The following NLRC3 variants were observed in gnomAD, a reference collection of about 807,000 sequenced individuals.
The protein encoded by NLRC3 is NLR family CARD domain containing 3.
NLRC3 carries 87 observed loss-of-function variants against 91.6 expected under a neutral mutation model. The ratio of observed to expected loss-of-function variants is 0.95; its 90% confidence interval spans 0.80 to 1.14. The LOEUF is 1.14. Ranked by LOEUF, NLRC3 falls within the 50% of genes most tolerant of loss-of-function variation. The pLI, the probability that NLRC3 is intolerant of heterozygous loss-of-function variation, is 0.00. For synonymous variants in NLRC3, 694 were observed against 625.3 expected, an observed-to-expected ratio of 1.11 and a Z score of -1.64; for missense variants, 1,577 against 1,418.6, an observed-to-expected ratio of 1.11 and a Z score of -1.79.
rs57205573 is a variant in NLRC3 at position 3,569,393 on chromosome 16, T to TA, written c.-168-2070dup. 6.6e-4 allele frequency among the ~76,000 whole-genome samples: 20 copies of TA among 30,118 alleles called. 1 individual carries two copies. In the East Asian group the frequency reaches 0.014, roughly 21 times the overall value. 19.8% of individuals were successfully genotyped at this position (30,118 alleles called of 152,430 possible). A position where few individuals can be genotyped will look rare whatever the true frequency, so the allele number is the denominator to read the frequency against. ...AACCATATATATATATATATATATA[T>TA]ATTATTTTTTTTTTTTTTTTTTTTT... On this transcript the variant is annotated intron_variant, in intron 1 of 19. Transcript: ENST00000359128.
intron 1 of NLRC3, among the ~76,000 whole-genome samples, chr16:3,575,134 G>A (rs552638293): frequency 6.6e-6 from 1 of 152,240 alleles, no homozygotes; most frequent in South Asian, 2.1e-4. Flanking sequence ...CCCTGCTCAG[G>A]CCCCATTCAG....
Position 3,539,590 on chromosome 16 carries a change from T to C in NLRC3, c.*2235A>G, listed in dbSNP as rs1315268535. ...GTTTGGCTACTGCAACTCTGTGTTC[T>C]GCCAGTCTCTTAACTCAGACAGAAA... is the stretch of plus-strand genomic sequence containing the variant. On this transcript the variant is annotated 3_prime_UTR_variant, in exon 20 of 20. Transcript: ENST00000359128. 6.6e-6 allele frequency: 1 copy of C among 152,270 alleles called. No individual in the cohort carries two copies. Among genetic ancestry groups the C allele is most frequent in the Non-Finnish European group, 1.5e-5 (1 of 68,056 alleles). 9.4% of individuals were successfully genotyped at this position (152,270 alleles called of 1,614,324 possible). A position where few individuals can be genotyped will look rare whatever the true frequency, so the allele number is the denominator to read the frequency against.
At chr16:3,569,313 C>CA (rs772111559) in intron 1 of NLRC3, among the ~76,000 whole-genome samples, 1,200 of 64,856 alleles carry the variant, frequency 0.019, 15 homozygotes, top group African/African-American at 0.043. Flanking sequence ...GACACCATCT[C>CA]AAAAAAAAAA....
At chr16:3,562,935 G>A (rs1453095673) in intron 5 of NLRC3, 74 bp downstream of exon 5, 12 of 1,319,530 alleles carry the variant, frequency 9.1e-6, no homozygotes, top group Non-Finnish European at 1.2e-5. Context: ...GAGAAGCTTG[G>A]TGGTGGGGAG....
At position 3,564,984 on chromosome 16, in the gene NLRC3, G is replaced by T. The variant is rs762020487; in HGVS notation, c.53C>A (p.Thr18Lys). 29 of 1,610,332 alleles carry T rather than the reference G, an allele frequency of 1.8e-5. No homozygotes were observed. The highest frequency in any genetic ancestry group is 2.3e-5 in the Non-Finnish European group (27 of 1,179,728). The change falls in exon 4 of 20, where the codon ACG becomes AAG. Residue 18 changes from threonine to lysine, a missense_variant. Coordinates refer to ENST00000359128, the MANE Select transcript of NLRC3 (RefSeq NM_178844.4). This position sits in a 1 kb window ranked among gnomAD's most constrained non-coding sequence, Gnocchi z 5.9. ...TGREAGQGHG[T>K]GSPAEQVKAL... ...TTTCACCTGCTCGGCTGGGGAGCCC[G>T]TACCGTGGCCCTGGCCGGCCTCCCT...
rs373484905 is a variant in NLRC3 at position 3,543,532 on chromosome 16, G to A, written c.2856-24C>T. The A allele has an allele frequency of 7.0e-5, 110 of 1,578,484 alleles. No individual in the cohort carries two copies. The African/African-American group carries it at 1.4e-3, about 20-fold the overall frequency. ...GACTGGGGCGGAGAGGGTGCCGTCA[G>A]TGTGAGCCGGCTGGGCCCACCTCCC... On this transcript the variant is annotated intron_variant, in intron 16 of 19. Coordinates refer to ENST00000359128, the MANE Select transcript of NLRC3 (RefSeq NM_178844.4).
Position 3,563,145 on chromosome 16 carries a change from G to A in NLRC3, c.1792C>T (p.Pro598Ser). 8.8e-6 allele frequency: 14 copies of A among 1,588,760 alleles called. No individual in the cohort carries two copies. The highest frequency in any genetic ancestry group is 1.2e-5 in the Non-Finnish European group (14 of 1,169,368). Residue 598 changes from proline to serine, a missense_variant, in exon 5 of 20, where the codon CCC becomes TCC. Coordinates refer to ENST00000359128, the MANE Select transcript of NLRC3 (RefSeq NM_178844.4). The stretch of plus-strand genomic sequence containing the variant: ...TAGGCCAGGGCAGCGCGGTGCGCGG[G>A]ACCAGTCAGCCTGGCCAGGGCCCCG... ...ESGALARLTG[P>S]AHRAALAYLL...
At chr16:3,557,254 T>C (rs2039386094) in intron 7 of NLRC3, among the ~76,000 whole-genome samples, 1 of 152,150 alleles carries the variant, frequency 6.6e-6, no homozygotes, top group South Asian at 2.1e-4. Context: ...ATGAGAATGA[T>C]GGCCCCAGAT....
intron 2 of NLRC3, among the ~76,000 whole-genome samples, chr16:3,566,342 G>T (rs2039884558): frequency 6.6e-6 from 1 of 152,124 alleles, no homozygotes; most frequent in East Asian, 1.9e-4. Flanking sequence ...TGTAAGCCCA[G>T]CACTTTGGGA....
At chr16:3,559,931 C>T (rs2039529723) in intron 6 of NLRC3, among the ~76,000 whole-genome samples, 1 of 152,118 alleles carries the variant, frequency 6.6e-6, no homozygotes, top group African/African-American at 2.4e-5. Context: ...GCATGAGCCA[C>T]CGCCCCTGGC....
chr16:3,556,108 G>C (rs2039304340), intron 8 of NLRC3, among the ~76,000 whole-genome samples: 1 of 150,056 alleles, frequency 6.7e-6, no homozygotes, highest in Non-Finnish European at 1.5e-5. Flanking sequence ...GCAGGCAGAT[G>C]GCTTGAGTGC....
rs79496526 is a variant in NLRC3 at position 3,557,687 on chromosome 16, A to C, written c.2016-11T>G. 1,566 of 1,598,812 alleles carry C rather than the reference A, an allele frequency of 9.8e-4. 33 individuals are homozygous for C. In the East Asian group the frequency reaches 0.033, roughly 33 times the overall value. ...TGGTTCTCCGCCAAGCTGCCCAAGGAAAGGGAGAGGAGTGGTTATTTTAGG... is the reference window on the plus strand; with the variant it reads ...TGGTTCTCCGCCAAGCTGCCCAAGGCAAGGGAGAGGAGTGGTTATTTTAGG... On this transcript the variant is annotated splice_polypyrimidine_tract_variant and intron_variant, in intron 6 of 19. Coordinates refer to ENST00000359128, the MANE Select transcript of NLRC3 (RefSeq NM_178844.4).
At chr16:3,552,920 T>C (rs2039089583) in intron 9 of NLRC3, among the ~76,000 whole-genome samples, 1 of 151,790 alleles carries the variant, frequency 6.6e-6, no homozygotes, top group Non-Finnish European at 1.5e-5. Context: ...AGGCGGGCAA[T>C]AGAGCGAGAC....
Position 3,563,150 on chromosome 16 carries a change from G to A in NLRC3, c.1787C>T (p.Thr596Ile). The A allele has an allele frequency of 6.3e-7, 1 of 1,589,430 alleles. No individual in the cohort carries two copies. Residue 596 changes from threonine (T) to isoleucine (I), a missense_variant, in exon 5 of 20, where the codon ACT becomes ATT. Transcript: ENST00000359128. ...AMESGALARL[T>I]GPAHRAALAY... ...CAGGGCAGCGCGGTGCGCGGGACCA[G>A]TCAGCCTGGCCAGGGCCCCGCTCTC...
chr16:3,552,159 A>C, intron 10 of NLRC3, 37 bp downstream of exon 10: 1 of 1,241,270 alleles, frequency 8.1e-7, no homozygotes. Flanking sequence ...TGTGCTGGGC[A>C]CTGAGGATAC....
At chr16:3,548,349 C>G (rs1252156203) in intron 14 of NLRC3, 131 bp from the exon 15 acceptor site, 1 of 741,488 alleles carries the variant, frequency 1.3e-6, no homozygotes, top group Non-Finnish European at 2.3e-6. Context: ...GCAACCCCTG[C>G]CCAGACTTAG....
Position 3,554,325 on chromosome 16 carries a change from G to T in NLRC3, c.2184C>A (p.Ser728Arg). The T allele has an allele frequency of 6.2e-7, 1 of 1,612,550 alleles. No homozygotes were observed. The highest frequency in any genetic ancestry group is 8.5e-7 in the Non-Finnish European group (1 of 1,178,744). ...CATCCCTAACGGTGTTGCCCTGGAG[G>T]CTGCAGAGACAAGAAGAGGCTCATC... is the stretch of plus-strand genomic sequence containing the variant. ...LKINRTLTSL[S>R]LQGNTVRDDG... is the part of the protein sequence containing the mutation. The change falls in exon 9 of 20, where the codon AGC (serine) becomes AGA (arginine). Residue 728 changes from serine to arginine, a missense_variant and splice_region_variant. Physicochemically the swap from Ser to Arg is moderately radical, Grantham distance 110. Coordinates refer to ENST00000359128, the MANE Select transcript of NLRC3 (RefSeq NM_178844.4).
rs528592694 is a variant in NLRC3 at position 3,539,361 on chromosome 16, T to G, written c.*2464A>C. 6.6e-6 allele frequency: 1 copy of G among 152,410 alleles called. No homozygotes were observed. The highest frequency in any genetic ancestry group is 2.4e-5 in the African/African-American group (1 of 41,568). 9.4% of individuals were successfully genotyped at this position (152,410 alleles called of 1,614,324 possible). ...ATATGAATTAAATTCTCTTGTCTGT[T>G]TTGCTCTGATGGGGTCTGTGTGGGC... On this transcript the variant is annotated 3_prime_UTR_variant, in exon 20 of 20. Transcript: ENST00000359128.
At chr16:3,555,224 C>T (rs139833463) in intron 8 of NLRC3, among the ~76,000 whole-genome samples, 15,964 of 134,644 alleles carry the variant, frequency 0.12, 1,219 homozygotes, top group African/African-American at 0.23. Context: ...AGTCAGACTC[C>T]GTCTCAAAAA....
Sources: allele counts gnomAD v4.1 joint callset (sites outside exome capture counted in the v4.1 genomes callset), GRCh38; gene constraint gnomAD v4.1.1; non-coding constraint Gnocchi (gnomAD v3.1); transcripts MANE v1.5; gene names NCBI Gene and HGNC (gene_info 2026-07-23, HGNC 2026-07-21).